The following RNF6 variants were observed in gnomAD, a reference collection of about 807,000 sequenced individuals.
RNF6 encodes E3 ubiquitin-protein ligase RNF6.
RNF6 carries 21 observed loss-of-function variants against 50.1 expected under a neutral mutation model. The ratio of observed to expected loss-of-function variants is 0.42; its 90% CI spans 0.30 to 0.60. The LOEUF is 0.60. Ranked by LOEUF, RNF6 falls within the 20% of genes least tolerant of loss-of-function variation. The pLI is 0.20. For synonymous variants in RNF6, 255 were observed against 291.8 expected (o/e 0.87, Z 1.29); for missense variants, 698 against 838.2 (o/e 0.83, Z 2.07).
At chr13:26,162,163 C>T (rs116212859) in intron 5 of RNF6, among the ~76,000 whole-genome samples, 2,342 of 152,154 alleles carry the variant, frequency 0.015, 68 homozygotes, top group African/African-American at 0.052. Flanking sequence ...AACTAACCAA[C>T]GCAGAGCCAC....
At chr13:26,158,000 A>G (rs1289221861) in intron 5 of RNF6, among the ~76,000 whole-genome samples, 1 of 140,346 alleles carries the variant, frequency 7.1e-6, no homozygotes, top group African/African-American at 2.7e-5. Context: ...GATAGATAGA[A>G]GAAGTCATTG....
chr13:26,144,300 G>A (rs1566405983), intron 5 of RNF6, among the ~76,000 whole-genome samples: 1 of 152,078 alleles, frequency 6.6e-6, no homozygotes, highest in Non-Finnish European at 1.5e-5. Flanking sequence ...TCTACGCAAT[G>A]GGTCATCCTA....
chr13:26,211,476 G>A (rs1014561355), downstream of RNF6, among the ~76,000 whole-genome samples: 3 of 152,026 alleles, frequency 2.0e-5, no homozygotes, highest in East Asian at 1.9e-4. Context: ...AGAAATAAAC[G>A]GGCCAGGCAT....
At chr13:26,165,817 C>A (rs1256749285) in intron 5 of RNF6, among the ~76,000 whole-genome samples, 1 of 152,190 alleles carries the variant, frequency 6.6e-6, no homozygotes, top group Admixed American at 6.5e-5. Context: ...AAGTAACTGA[C>A]TTGCTTTTGA....
chr13:26,164,619 G>A (rs1015045036), intron 5 of RNF6, among the ~76,000 whole-genome samples: 4 of 151,702 alleles, frequency 2.6e-5, no homozygotes, highest in African/African-American at 7.3e-5. Context: ...ATACTATCAT[G>A]TTCAGTATAA....
chr13:26,145,398 C>T (rs964937924), intron 5 of RNF6, among the ~76,000 whole-genome samples: 1 of 139,632 alleles, frequency 7.2e-6, no homozygotes, highest in Admixed American at 7.7e-5. Context: ...TGTTGAATTG[C>T]AATTCCCAGT....
intron 5 of RNF6, among the ~76,000 whole-genome samples, chr13:26,206,519 C>T (rs940249754): frequency 1.3e-5 from 2 of 152,190 alleles, no homozygotes; most frequent in African/African-American, 4.8e-5. Context: ...CTTTTGGCTG[C>T]ACTTGAATAG....
chr13:26,186,583 C>A (rs1007487459), intron 5 of RNF6, among the ~76,000 whole-genome samples: 9 of 152,356 alleles, frequency 5.9e-5, no homozygotes, highest in African/African-American at 2.2e-4. Flanking sequence ...CAGCGCGGAC[C>A]CTGACGGGGC....
intron 5 of RNF6, among the ~76,000 whole-genome samples, chr13:26,188,623 C>CTTTTTTTTTTTTTTTTTTTTTTTT (rs1163881143): frequency 2.3e-5 from 1 of 43,258 alleles, no homozygotes; most frequent in Non-Finnish European, 3.9e-5. Context: ...GTCAAAAGAG[C>CTTTTTTTTTTTTTTTTTTTTTTTT]TTTTTTTTTT....
intron 5 of RNF6, among the ~76,000 whole-genome samples, chr13:26,137,296 A>G (rs1441667035): frequency 6.6e-6 from 1 of 151,920 alleles, no homozygotes; most frequent in Non-Finnish European, 1.5e-5. Flanking sequence ...TAATAGATTA[A>G]CTAAAGAGCT....
chr13:26,172,817 A>C (rs1409510672), intron 5 of RNF6, among the ~76,000 whole-genome samples: 2 of 152,150 alleles, frequency 1.3e-5, no homozygotes, highest in African/African-American at 4.8e-5. Flanking sequence ...TGCTGGGATT[A>C]CAGGCGTGAG....
At chr13:26,149,885 TATATATATAC>T (rs202026907) in intron 5 of RNF6, among the ~76,000 whole-genome samples, 13 of 106,244 alleles carry the variant, frequency 1.2e-4, no homozygotes, top group Non-Finnish European at 1.7e-4. Flanking sequence ...TATATATATA[TATATATATAC>T]ACACACACAG....
chr13:26,151,716 C>A (rs1365822017), intron 5 of RNF6, among the ~76,000 whole-genome samples: 1 of 150,374 alleles, frequency 6.7e-6, no homozygotes, highest in Non-Finnish European at 1.5e-5. Flanking sequence ...TCTAGGGCTA[C>A]CTACTGTTTA....
intron 5 of RNF6, among the ~76,000 whole-genome samples, chr13:26,192,419 G>T (rs1328253413): frequency 2.0e-5 from 3 of 152,296 alleles, no homozygotes; most frequent in African/African-American, 7.2e-5. Context: ...GATGTGGCTG[G>T]AGAGTCTACG....
Position 26,214,662 on chromosome 13 carries a change from C to T in RNF6, c.1220G>A (p.Arg407His), listed in dbSNP as rs139796866. ...ATCCCGATCTCTATTTTCTCCAGGA[C>T]GGATCCTTCTCACTTGAAGGTCCAG... ...ITLDLQVRRI[R>H]PGENRDRDSI... Residue 407 changes from arginine to histidine, a missense_variant, in exon 5 of 5, where the codon CGT becomes CAT. Coordinates refer to ENST00000381588, the MANE Select transcript of RNF6 (RefSeq NM_005977.4). 216 of 1,614,230 alleles carry T rather than the reference C, an allele frequency of 1.3e-4. No individual in the cohort carries two copies. The African/African-American group carries it at 2.2e-3, about 17-fold the overall frequency.
chr13:26,141,772 A>T (rs969327310), intron 5 of RNF6, among the ~76,000 whole-genome samples: 6 of 152,148 alleles, frequency 3.9e-5, no homozygotes, highest in African/African-American at 1.4e-4. Flanking sequence ...TGAAACTATA[A>T]AAATTCTAAA....
At chr13:26,205,786 G>A in intron 5 of RNF6, among the ~76,000 whole-genome samples, 1 of 152,238 alleles carries the variant, frequency 6.6e-6, no homozygotes. Context: ...GGCCAAGGCA[G>A]GAGGATCGCT....
intron 5 of RNF6, among the ~76,000 whole-genome samples, chr13:26,153,124 G>A (rs1871713169): frequency 6.7e-6 from 1 of 149,986 alleles, no homozygotes; most frequent in Non-Finnish European, 1.5e-5. Flanking sequence ...CTGCACTCCA[G>A]CCCAGGCAAC....
intron 5 of RNF6, among the ~76,000 whole-genome samples, chr13:26,203,375 C>A (rs1348922626): frequency 6.6e-6 from 1 of 152,212 alleles, no homozygotes; most frequent in Non-Finnish European, 1.5e-5. Flanking sequence ...TTTGGGAGAG[C>A]AAAGGAGGAT....
Sources: gnomAD v4.1 joint callset for allele counts (sites outside exome capture counted in the v4.1 genomes callset) on GRCh38, gnomAD v4.1.1 for gene constraint, MANE v1.5 for transcripts, NCBI Gene and HGNC (gene_info 2026-07-23, HGNC 2026-07-21) for gene names.